The following TFPI variants were observed in gnomAD, a reference collection of about 807,000 sequenced individuals.
TFPI encodes the protein anti-convertin.
A neutral mutation model predicts 34.6 loss-of-function variants in TFPI; 15 were observed. The ratio of observed to expected loss-of-function variants is 0.43; its 90% confidence interval spans 0.29 to 0.67. The LOEUF is 0.67. Ranked by LOEUF, TFPI falls within the 30% of genes least tolerant of loss-of-function variation. The pLI, the probability that TFPI is intolerant of heterozygous loss-of-function variation, is 0.15. For missense variants in TFPI, 301 were observed against 364.0 expected (o/e 0.83, Z 1.41); for synonymous variants, 105 against 120.1 (o/e 0.87, Z 0.82).
At chr2:187,536,137 C>T (rs905213328) in intron 1 of TFPI, among the ~76,000 whole-genome samples, 3 of 152,234 alleles carry the variant, frequency 2.0e-5, no homozygotes, top group East Asian at 1.9e-4. Flanking sequence ...AATTCACAGC[C>T]GAATTCTACC....
chr2:187,480,290 G>A (rs8176528), intron 6 of TFPI, among the ~76,000 whole-genome samples: 39,757 of 151,824 alleles, frequency 0.26, 5,523 homozygotes, highest in Middle Eastern at 0.33. Flanking sequence ...GGTGAATTAA[G>A]TGTATTACTC....
At position 187,505,326 on chromosome 2, in the gene TFPI, T is replaced by C. The variant is rs149837510; in HGVS notation, c.-2-1556A>G. ...TCTTAAAAAATGGCAGCCTAGGGTA[T>C]TGCCTAAACTTAGTACTTTAGACTT... On this transcript the variant is annotated intron_variant, in intron 1 of 7. Transcript: ENST00000233156. 7.2e-5 allele frequency among the ~76,000 whole-genome samples: 11 copies of C among 152,250 alleles called. No homozygotes were observed. The East Asian group carries it at 1.9e-3, about 27-fold the overall frequency.
intron 1 of TFPI, among the ~76,000 whole-genome samples, chr2:187,512,783 C>A (rs568826459): frequency 6.6e-6 from 1 of 151,066 alleles, no homozygotes; most frequent in Non-Finnish European, 1.5e-5. Flanking sequence ...TTGGGGGGGG[C>A]CGCGAAATTT....
chr2:187,527,069 T>C (rs1216187124), intron 1 of TFPI: 1 of 152,228 alleles, frequency 6.6e-6, no homozygotes, highest in African/African-American at 2.4e-5. Flanking sequence ...TGCTTTCATT[T>C]TGTTTTATTC....
chr2:187,524,843 T>A (rs894998295), intron 1 of TFPI, among the ~76,000 whole-genome samples: 6 of 152,158 alleles, frequency 3.9e-5, no homozygotes, highest in African/African-American at 1.4e-4. Context: ...AAATGATAGG[T>A]ATTTTTCAAG....
In TFPI at chr2:187,496,968, G is replaced by C; in HGVS notation, c.232C>G (p.Gln78Glu). The change falls in exon 3 of 8, where the codon CAG becomes GAG. Residue 78 changes from glutamine to glutamate, a missense_variant. Coordinates refer to ENST00000233156, the MANE Select transcript of TFPI (RefSeq NM_006287.6). Reference sequence around the variant, plus strand: ...CCCCCATATATAAATTCTTCGCACTGTCGAGTGAAAATATTGAAGAAAAAT... The same window carrying C: ...CCCCCATATATAAATTCTTCGCACTCTCGAGTGAAAATATTGAAGAAAAAT... ...KRFFFNIFTR[Q>E]CEEFIYGGCE... The C allele has an allele frequency of 6.2e-7, 1 of 1,613,328 alleles. No individual in the cohort carries two copies. Among genetic ancestry groups the C allele is most frequent in the Non-Finnish European group, 8.5e-7 (1 of 1,179,558 alleles).
At chr2:187,493,260 C>T (rs1685242047) in intron 3 of TFPI, among the ~76,000 whole-genome samples, 1 of 152,148 alleles carries the variant, frequency 6.6e-6, no homozygotes, top group Non-Finnish European at 1.5e-5. Context: ...TCGAGGCTTG[C>T]ACCCTCTGAA....
chr2:187,507,583 CAT>C (rs1686314383), intron 1 of TFPI, among the ~76,000 whole-genome samples: 1 of 151,882 alleles, frequency 6.6e-6, no homozygotes, highest in South Asian at 2.1e-4. Context: ...GGCTTTTTTT[CAT>C]ATGTTTGTTG....
intron 1 of TFPI, chr2:187,518,383 T>C (rs1245098849): frequency 6.6e-6 from 1 of 152,226 alleles, no homozygotes; most frequent in Non-Finnish European, 1.5e-5. Context: ...ATATTTTATT[T>C]CTCTTTCCCT....
chr2:187,479,092 G>A (rs765305163), intron 6 of TFPI, among the ~76,000 whole-genome samples: 1 of 152,058 alleles, frequency 6.6e-6, no homozygotes, highest in Non-Finnish European at 1.5e-5. Context: ...TCAATTTTAG[G>A]TGGGGAAAAT....
intron 1 of TFPI, among the ~76,000 whole-genome samples, chr2:187,529,168 C>T (rs1687831876): frequency 6.6e-6 from 1 of 152,198 alleles, no homozygotes; most frequent in Non-Finnish European, 1.5e-5. Flanking sequence ...AAGAATGCTG[C>T]ATCAGACCCA....
intron 1 of TFPI, among the ~76,000 whole-genome samples, chr2:187,511,935 T>A (rs570620512): frequency 6.6e-6 from 1 of 151,418 alleles, no homozygotes; most frequent in African/African-American, 2.4e-5. Context: ...GAGAGAGAGA[T>A]ATACAAGTAG....
At chr2:187,513,555 C>T (rs532965780) in intron 1 of TFPI, 37 of 152,560 alleles carry the variant, frequency 2.4e-4, no homozygotes, top group African/African-American at 8.4e-4. Context: ...TCTGGTAAAC[C>T]AGCTCCAGCC....
intron 1 of TFPI, among the ~76,000 whole-genome samples, chr2:187,534,168 T>TC (rs1339351319): frequency 2.1e-4 from 32 of 152,180 alleles, no homozygotes; most frequent in African/African-American, 7.2e-4. Context: ...CAGGAGAACT[T>TC]CCCCAACCTA....
At chr2:187,545,272 T>C (rs1469945773) in intron 1 of TFPI, among the ~76,000 whole-genome samples, 1 of 152,174 alleles carries the variant, frequency 6.6e-6, no homozygotes, top group Admixed American at 6.5e-5. Flanking sequence ...AGAAAATCCC[T>C]TGGAGAGGAA....
intron 6 of TFPI, among the ~76,000 whole-genome samples, chr2:187,469,453 G>A (rs1200532909): frequency 6.6e-6 from 1 of 152,018 alleles, no homozygotes; most frequent in Non-Finnish European, 1.5e-5. Flanking sequence ...CCTATGTGGG[G>A]ATTATAGTGC....
intron 3 of TFPI, among the ~76,000 whole-genome samples, chr2:187,491,212 C>T (rs1685101810): frequency 6.6e-6 from 1 of 151,036 alleles, no homozygotes; most frequent in Non-Finnish European, 1.5e-5. Flanking sequence ...TTTTTATTTT[C>T]ATAGATTTAG....
intron 1 of TFPI, among the ~76,000 whole-genome samples, chr2:187,540,211 C>T (rs1335618874): frequency 6.6e-6 from 1 of 152,032 alleles, no homozygotes; most frequent in Admixed American, 6.6e-5. Context: ...GCCACGTCAT[C>T]CTCATTTATA....
chr2:187,529,069 A>G (rs939448771), intron 1 of TFPI, among the ~76,000 whole-genome samples: 10 of 152,216 alleles, frequency 6.6e-5, no homozygotes, highest in African/African-American at 2.4e-4. Flanking sequence ...AATGAAATTT[A>G]TGTTGATAGT....
Sources: gnomAD v4.1 joint callset for allele counts (sites outside exome capture counted in the v4.1 genomes callset) on GRCh38, gnomAD v4.1.1 for gene constraint, MANE v1.5 for transcripts, NCBI Gene and HGNC (gene_info 2026-07-23, HGNC 2026-07-21) for gene names.